The following GRIN2A variants were observed in gnomAD, a reference collection of about 807,000 sequenced individuals.
GRIN2A encodes glutamate ionotropic receptor NMDA type subunit 2A.
In GRIN2A, 22 loss-of-function variants were observed where a neutral mutation model predicts 113.4. The observed-to-expected ratio is 0.19, with a 90% CI of 0.14 to 0.28. The LOEUF is 0.28. GRIN2A is among the 10% of genes least tolerant of loss of function. The pLI is 1.00. For synonymous variants in GRIN2A, 827 were observed against 738.4 expected (o/e 1.12, Z -1.94); for missense variants, 1,502 against 1,887.0 (o/e 0.80, Z 3.78).
intron 2 of GRIN2A, among the ~76,000 whole-genome samples, chr16:10,035,075 G>C (rs1363883799): frequency 2.1e-5 from 3 of 142,566 alleles, no homozygotes; most frequent in Non-Finnish European, 4.5e-5. Context: ...ACCCAGGCTG[G>C]AGTGCAGTGG....
At chr16:9,875,187 G>C (rs990632776) in intron 4 of GRIN2A, among the ~76,000 whole-genome samples, 2 of 151,856 alleles carry the variant, frequency 1.3e-5, no homozygotes, top group African/African-American at 2.4e-5. Flanking sequence ...GGTGTGTGGG[G>C]GAATCAAAGT....
At chr16:10,096,598 A>T (rs1174002572) in intron 2 of GRIN2A, among the ~76,000 whole-genome samples, 1 of 135,908 alleles carries the variant, frequency 7.4e-6, no homozygotes. Flanking sequence ...CGGTCAGCAT[A>T]GACTTCCAGC....
In GRIN2A at chr16:10,051,637, G is replaced by A. The variant is rs76848848; in HGVS notation, c.415-113086C>T. ...TGGACCATTCGAATTGAATATTGCC[G>A]AATTCACACAACTTGGCAAAGAGAA... is the stretch of plus-strand genomic sequence containing the variant. On this transcript the variant is annotated intron_variant, in intron 2 of 12. Coordinates refer to ENST00000330684, the MANE Select transcript of GRIN2A (RefSeq NM_001134407.3). Among the ~76,000 whole-genome samples the A allele has an allele frequency of 2.8e-3, 419 of 152,298 alleles. 3 individuals carry two copies. The highest frequency in any genetic ancestry group is 0.01 in the Middle Eastern group (3 of 294).
intron 10 of GRIN2A, among the ~76,000 whole-genome samples, chr16:9,807,285 A>AGAGGGAGGGAGGGGGGAGGGGGAGGGGGG (rs2041994312): frequency 1.2e-4 from 1 of 8,168 alleles, no homozygotes; most frequent in Non-Finnish European, 2.2e-4. Flanking sequence ...GGGGAGGGGG[A>AGAGGGAGGGAGGGGGGAGGGGGAGGGGGG]GAGGGAGGGA....
intron 2 of GRIN2A, among the ~76,000 whole-genome samples, chr16:10,168,432 T>C (rs1424201769): frequency 6.6e-6 from 1 of 152,236 alleles, no homozygotes; most frequent in East Asian, 1.9e-4. Context: ...CTTGGAGATC[T>C]TTTTTTAAAA....
At chr16:9,935,754 G>T (rs1020709207) in intron 3 of GRIN2A, among the ~76,000 whole-genome samples, 5 of 152,022 alleles carry the variant, frequency 3.3e-5, no homozygotes, top group African/African-American at 1.2e-4. Context: ...GAAGTGCAGT[G>T]GTGCGATCTC....
chr16:9,884,195 A>T (rs1393102796), intron 4 of GRIN2A, among the ~76,000 whole-genome samples: 1 of 152,228 alleles, frequency 6.6e-6, no homozygotes. Context: ...ACAAATTTTT[A>T]AAAGCTAGCC....
chr16:9,975,323 T>A (rs34888134), intron 2 of GRIN2A, among the ~76,000 whole-genome samples: 15,209 of 152,242 alleles, frequency 0.1, 889 homozygotes, highest in Middle Eastern at 0.15. Flanking sequence ...GAGATTATCC[T>A]GGTTTATTCC....
At chr16:9,861,991 C>G (rs2043077119) in intron 4 of GRIN2A, among the ~76,000 whole-genome samples, 1 of 152,194 alleles carries the variant, frequency 6.6e-6, no homozygotes, top group African/African-American at 2.4e-5. Context: ...ATGCAGACTC[C>G]TGTATCTCTG....
intron 4 of GRIN2A, among the ~76,000 whole-genome samples, chr16:9,872,324 CAG>C (rs758252590): frequency 2.6e-5 from 4 of 152,180 alleles, no homozygotes; most frequent in Admixed American, 1.3e-4. Flanking sequence ...CTCAGTGAAA[CAG>C]GGGAGGAAGT....
chr16:10,003,515 T>A (rs2046356213), intron 2 of GRIN2A, among the ~76,000 whole-genome samples: 1 of 152,128 alleles, frequency 6.6e-6, no homozygotes, highest in South Asian at 2.1e-4. Context: ...TTATTTTGGA[T>A]ATGGAAGGCA....
chr16:9,895,533 G>T (rs1347319759), intron 3 of GRIN2A, among the ~76,000 whole-genome samples: 2 of 152,170 alleles, frequency 1.3e-5, no homozygotes, highest in South Asian at 2.1e-4. Context: ...ATGCAAGTTT[G>T]TAAGAGGCAG....
chr16:10,085,153 C>G (rs1247358468), intron 2 of GRIN2A, among the ~76,000 whole-genome samples: 1 of 152,134 alleles, frequency 6.6e-6, no homozygotes, highest in Non-Finnish European at 1.5e-5. Flanking sequence ...ACTGAAGAAA[C>G]ACGAGGTTCA....
rs533896815 is a variant in GRIN2A at position 10,102,538 on chromosome 16, T to G, written c.414+77460A>C. On this transcript the variant is annotated intron_variant, in intron 2 of 12. Coordinates refer to ENST00000330684, the MANE Select transcript of GRIN2A (RefSeq NM_001134407.3). ...TGGGTATTTCTTTCTTCTTTTTTTC[T>G]TTTTTTTCTTTTCTTTTTTATTGGG... Among the ~76,000 whole-genome samples the G allele has an allele frequency of 3.9e-5, 6 of 152,120 alleles. No individual in the cohort carries two copies. In the South Asian group the frequency reaches 1.0e-3, roughly 26 times the overall value.
At chr16:10,177,475 CAGG>C (rs2050171636) in intron 2 of GRIN2A, among the ~76,000 whole-genome samples, 1 of 152,166 alleles carries the variant, frequency 6.6e-6, no homozygotes, top group Non-Finnish European at 1.5e-5. Flanking sequence ...CAACAACAAT[CAGG>C]AGTATCGAAT....
chr16:10,086,766 G>A (rs2048093800), intron 2 of GRIN2A, among the ~76,000 whole-genome samples: 3 of 152,166 alleles, frequency 2.0e-5, no homozygotes, highest in Admixed American at 6.5e-5. Context: ...AGACCTCGGG[G>A]AAGAGCAAGC....
intron 2 of GRIN2A, among the ~76,000 whole-genome samples, chr16:10,139,670 A>G (rs2049281302): frequency 6.6e-6 from 1 of 152,182 alleles, no homozygotes; most frequent in Non-Finnish European, 1.5e-5. Flanking sequence ...ACCTTACCCA[A>G]ACATACTGAA....
chr16:10,090,556 A>G (rs752507752), intron 2 of GRIN2A, among the ~76,000 whole-genome samples: 40 of 152,218 alleles, frequency 2.6e-4, no homozygotes, highest in Non-Finnish European at 4.9e-4. Flanking sequence ...AGACCTAAAT[A>G]TAACAACTAA....
intron 2 of GRIN2A, among the ~76,000 whole-genome samples, chr16:10,104,130 TC>T (rs1302651474): frequency 6.6e-6 from 1 of 152,240 alleles, no homozygotes; most frequent in Admixed American, 6.5e-5. Context: ...TTATTTTTTC[TC>T]TAGGACTAAA....
Sources: allele counts gnomAD v4.1 joint callset (sites outside exome capture counted in the v4.1 genomes callset), GRCh38; gene constraint gnomAD v4.1.1; transcripts MANE v1.5; gene names NCBI Gene and HGNC (gene_info 2026-07-23, HGNC 2026-07-21).